The following DNAI4 variants were observed in gnomAD, a reference collection of about 807,000 sequenced individuals.
DNAI4 encodes the protein dynein axonemal intermediate chain 4.
Under a neutral mutation model 105.8 loss-of-function variants are expected in DNAI4, and 85 were observed. The observed-to-expected ratio is 0.80, with a 90% CI of 0.67 to 0.96. The LOEUF is 0.96. Ranked by LOEUF, DNAI4 falls within the 40% of genes least tolerant of loss-of-function variation. The pLI, the probability that DNAI4 is intolerant of heterozygous loss-of-function variation, is 0.00. For synonymous variants in DNAI4, 352 were observed against 331.5 expected (o/e 1.06, Z -0.67); for missense variants, 1,014 against 1,005.6 (o/e 1.01, Z -0.11).
rs779720127 is a variant in DNAI4 at position 66,871,465 on chromosome 1, C to T, written c.845G>A (p.Gly282Asp). 1 of 1,609,200 alleles carries T rather than the reference C, an allele frequency of 6.2e-7. No individual in the cohort carries two copies. Among genetic ancestry groups the T allele is most frequent in the South Asian group, 1.1e-5 (1 of 89,628 alleles). ...CATCCTTTCAACATATAGGTCATTG[C>T]CTAATCTGTTTCTACAAAGGACTTC... ...NYEVLCRNRLGNDLYVERMMQ... is the reference protein window; with the variant it reads ...NYEVLCRNRLDNDLYVERMMQ... The change falls in exon 6 of 17, where the codon GGC becomes GAC. Residue 282 changes from glycine (G) to aspartate (D), a missense_variant. Coordinates refer to ENST00000371026, the MANE Select transcript of DNAI4 (RefSeq NM_024763.5).
intron 4 of DNAI4, among the ~76,000 whole-genome samples, chr1:66,886,259 T>C (rs1421869253): frequency 6.6e-6 from 1 of 152,204 alleles, no homozygotes; most frequent in Non-Finnish European, 1.5e-5. Context: ...CTCCATTAGA[T>C]CTCTTAACAT....
intron 9 of DNAI4, among the ~76,000 whole-genome samples, chr1:66,839,086 G>A (rs1646092029): frequency 6.6e-6 from 1 of 152,092 alleles, no homozygotes; most frequent in African/African-American, 2.4e-5. Context: ...TAAAATGCTA[G>A]TATATTCAGT....
At chr1:66,894,710 G>A (rs892164282) in intron 2 of DNAI4, among the ~76,000 whole-genome samples, 2 of 152,022 alleles carry the variant, frequency 1.3e-5, no homozygotes, top group Admixed American at 6.6e-5. Flanking sequence ...TGAAAATCCT[G>A]TCCTTTCCCC....
chr1:66,921,366 G>T (rs1444064459), intron 1 of DNAI4: 1 of 152,174 alleles, frequency 6.6e-6, no homozygotes, highest in African/African-American at 2.4e-5. Flanking sequence ...ACAAATATTT[G>T]CTTCATGAGA....
chr1:66,836,974 G>A (rs2100450371), intron 10 of DNAI4, among the ~76,000 whole-genome samples: 1 of 152,298 alleles, frequency 6.6e-6, no homozygotes, highest in South Asian at 2.1e-4. Context: ...ATGTATGACA[G>A]TAAGAAGGTC....
At chr1:66,880,931 A>G (rs1028876034) in intron 4 of DNAI4, among the ~76,000 whole-genome samples, 5 of 152,066 alleles carry the variant, frequency 3.3e-5, no homozygotes, top group Admixed American at 2.0e-4. Context: ...CAGTCTAGGT[A>G]TTTTGTGCCC....
At chr1:66,866,480 G>T (rs1646737033) in intron 6 of DNAI4, among the ~76,000 whole-genome samples, 1 of 152,094 alleles carries the variant, frequency 6.6e-6, no homozygotes, top group South Asian at 2.1e-4. Context: ...ATGTAAATAG[G>T]TTGCCTTCTA....
At chr1:66,879,472 T>C (rs747163519) in intron 4 of DNAI4, among the ~76,000 whole-genome samples, 2 of 152,234 alleles carry the variant, frequency 1.3e-5, no homozygotes, top group Non-Finnish European at 2.9e-5. Context: ...TCTGCATTGA[T>C]GATTCAGCTG....
chr1:66,840,048 C>T (rs892980861), intron 9 of DNAI4, among the ~76,000 whole-genome samples: 5 of 152,140 alleles, frequency 3.3e-5, no homozygotes, highest in African/African-American at 1.2e-4. Context: ...TTATTTTGCA[C>T]ACTTGTAAGG....
chr1:66,863,488 T>C (rs1388619783), intron 6 of DNAI4, among the ~76,000 whole-genome samples: 4 of 152,168 alleles, frequency 2.6e-5, no homozygotes, highest in Non-Finnish European at 4.4e-5. Context: ...TTTAAGAGTT[T>C]TGCTCTGTTG....
chr1:66,813,465 G>A lies in DNAI4; in HGVS notation c.*665C>T, dbSNP rs905559449. On this transcript the variant is annotated 3_prime_UTR_variant, in exon 17 of 17. Coordinates refer to ENST00000371026, the MANE Select transcript of DNAI4 (RefSeq NM_024763.5). ...CTGAAGTCTGGGCTTAAAATCCAGAGCTGATTCTGGGCAAACAGAGAAGAG... is the reference window on the plus strand; with the variant it reads ...CTGAAGTCTGGGCTTAAAATCCAGAACTGATTCTGGGCAAACAGAGAAGAG... 24 of 152,322 alleles carry A rather than the reference G, an allele frequency of 1.6e-4. No homozygotes were observed. Among genetic ancestry groups the A allele is most frequent in the African/African-American group, 5.8e-4 (24 of 41,448 alleles). The allele number at this position is 152,322 out of a possible 1,614,324, so 9.4% of individuals were successfully genotyped here.
intron 13 of DNAI4, among the ~76,000 whole-genome samples, chr1:66,832,959 AG>A (rs1277823154): frequency 6.6e-6 from 1 of 152,208 alleles, no homozygotes; most frequent in Non-Finnish European, 1.5e-5. Context: ...ATTGAAATGT[AG>A]AAGACTATAT....
chr1:66,893,585 T>C (rs1384342291), intron 2 of DNAI4, among the ~76,000 whole-genome samples, 172 bp from the exon 3 acceptor site: 1 of 152,164 alleles, frequency 6.6e-6, no homozygotes, highest in African/African-American at 2.4e-5. Context: ...GAAAGTTTCT[T>C]AATTATGCAA....
Position 66,924,794 on chromosome 1 carries a change from G to C in DNAI4, c.38C>G (p.Ala13Gly). 1.2e-6 allele frequency: 2 copies of C among 1,614,180 alleles called. No individual in the cohort carries two copies. Among genetic ancestry groups the C allele is most frequent in the East Asian group, 4.5e-5 (2 of 44,870 alleles). Residue 13 changes from alanine (A) to glycine (G), a missense_variant, in exon 1 of 17, where the codon GCC becomes GGC. Ala to Gly is a moderately conservative substitution (Grantham distance 60, BLOSUM62 0). Coordinates refer to ENST00000371026, the MANE Select transcript of DNAI4 (RefSeq NM_024763.5). Reference sequence around the variant, plus strand: ...GTACCCCCAAGCTCCTCCGTTAGCGGCTCGGGCCGAGGCTCCGGAATGTTT... The same window carrying C: ...GTACCCCCAAGCTCCTCCGTTAGCGCCTCGGGCCGAGGCTCCGGAATGTTT... ...PGKHSGASAR[A>G]ANGGAWGYRD...
Position 66,837,704 on chromosome 1 carries a change from G to A in DNAI4, c.1581+6C>T. The A allele has an allele frequency of 6.2e-7, 1 of 1,603,504 alleles. No homozygotes were observed. Among genetic ancestry groups the A allele is most frequent in the Non-Finnish European group, 8.5e-7 (1 of 1,175,300 alleles). ...TAAAAATGCTTCTTATTCTTGTTTGGGTTACCATGGGATTCTTTATTGACC... is the reference window on the plus strand; with the variant it reads ...TAAAAATGCTTCTTATTCTTGTTTGAGTTACCATGGGATTCTTTATTGACC... On this transcript the variant is annotated splice_donor_region_variant and intron_variant, in intron 10 of 16. Transcript: ENST00000371026.
chr1:66,839,493 G>T (rs1047808839), intron 9 of DNAI4, among the ~76,000 whole-genome samples: 1 of 152,022 alleles, frequency 6.6e-6, no homozygotes, highest in Non-Finnish European at 1.5e-5. Flanking sequence ...ATAAGGTGTG[G>T]CAATAAAATA....
intron 6 of DNAI4, among the ~76,000 whole-genome samples, chr1:66,867,154 G>A (rs1048916364): frequency 1.3e-5 from 2 of 152,192 alleles, no homozygotes; most frequent in African/African-American, 4.8e-5. Context: ...ACACAGCCAA[G>A]CATATCAGCA....
chr1:66,914,209 G>A (rs918356504), intron 1 of DNAI4, among the ~76,000 whole-genome samples: 1 of 152,210 alleles, frequency 6.6e-6, no homozygotes, highest in South Asian at 2.1e-4. Flanking sequence ...TAGGTTTCAC[G>A]GCACCTCTAC....
chr1:66,884,883 G>A (rs1647160083), intron 4 of DNAI4, among the ~76,000 whole-genome samples: 1 of 152,164 alleles, frequency 6.6e-6, no homozygotes, highest in East Asian at 1.9e-4. Flanking sequence ...AGCTCTGCCG[G>A]ATAGCAGAGA....
Sources: allele counts gnomAD v4.1 joint callset (sites outside exome capture counted in the v4.1 genomes callset), GRCh38; gene constraint gnomAD v4.1.1; transcripts MANE v1.5; gene names NCBI Gene and HGNC (gene_info 2026-07-23, HGNC 2026-07-21).